The following FBXO11 variants were observed in gnomAD, a reference collection of about 807,000 sequenced individuals.
FBXO11 encodes F-box protein 11.
A neutral mutation model predicts 117.0 loss-of-function variants in FBXO11; 13 were observed. That is an observed-to-expected ratio of 0.11 (90% CI 0.07 to 0.18). The LOEUF is 0.18. FBXO11 is among the 10% of genes least tolerant of loss of function. The probability of loss-of-function intolerance (pLI) is 1.00; values close to 1 mark genes in which losing one functional copy is unlikely to be tolerated. For missense variants in FBXO11, 767 were observed against 1,164.4 expected (o/e 0.66, Z 4.97); for synonymous variants, 490 against 380.5 (o/e 1.29, Z -3.35).
In FBXO11 at chr2:47,878,053, G is replaced by A. The variant is rs887350596; in HGVS notation, c.232+27436C>T. ...CCAGTCCCTAAGTCATGGGCAGGTA[G>A]GCCCAGCTTTTACCCAGGAGGCTGT... On this transcript the variant is annotated intron_variant, in intron 1 of 22. Transcript: ENST00000403359. 1.4e-4 allele frequency among the ~76,000 whole-genome samples: 21 copies of A among 152,306 alleles called. 1 individual carries two copies. Among genetic ancestry groups the A allele is most frequent in the African/African-American group, 4.8e-4 (20 of 41,562 alleles).
chr2:47,835,220 G>A (rs1672461022), intron 5 of FBXO11, among the ~76,000 whole-genome samples: 1 of 152,128 alleles, frequency 6.6e-6, no homozygotes, highest in Non-Finnish European at 1.5e-5. Context: ...ATCAAAAAAT[G>A]TCTCCCGACA....
At chr2:47,832,520 A>G in intron 10 of FBXO11, 34 bp from the exon 11 acceptor site, 1 of 1,609,846 alleles carries the variant, frequency 6.2e-7, no homozygotes, top group Non-Finnish European at 8.5e-7. Context: ...ACATCAGTAG[A>G]GCTTTTAAAC....
chr2:47,901,086 CATATATATACATATATATGTAT>C (rs1231944421), intron 1 of FBXO11, among the ~76,000 whole-genome samples: 1 of 104,750 alleles, frequency 9.5e-6, no homozygotes, highest in Non-Finnish European at 2.0e-5. Context: ...CACGTGTGTA[CATATATATACATATATATGTAT>C]ATATGTACAC....
chr2:47,808,070 T>C lies in FBXO11; in HGVS notation c.*48A>G, dbSNP rs372838997. 23 of 1,518,276 alleles carry C rather than the reference T, an allele frequency of 1.5e-5. No homozygotes were observed. The African/African-American group carries it at 2.4e-4, about 16-fold the overall frequency. The allele number at this position is 1,518,276 out of a possible 1,614,324, so 94.1% of individuals were successfully genotyped here. ...TTAAATCTTCTTCCAAAAAAGTGTT[T>C]TAAGTTATGATGTTACAATGGCAGG... On this transcript the variant is annotated 3_prime_UTR_variant, in exon 23 of 23. Transcript: ENST00000403359.
intron 1 of FBXO11, among the ~76,000 whole-genome samples, chr2:47,855,250 G>A (rs1674194496): frequency 6.6e-6 from 1 of 150,780 alleles, no homozygotes; most frequent in Non-Finnish European, 1.5e-5. Flanking sequence ...GCCCAGGATA[G>A]ACTGCAGTGG....
intron 16 of FBXO11, among the ~76,000 whole-genome samples, chr2:47,815,105 A>G (rs1009246864): frequency 6.6e-6 from 1 of 152,142 alleles, no homozygotes; most frequent in African/African-American, 2.4e-5. Flanking sequence ...CCCTAAAGTC[A>G]TCCATGAGGG....
At chr2:47,871,852 A>T (rs1053257043) in intron 1 of FBXO11, among the ~76,000 whole-genome samples, 1 of 152,250 alleles carries the variant, frequency 6.6e-6, no homozygotes, top group African/African-American at 2.4e-5. Context: ...ATGTGCTTTT[A>T]AAGTTCTGTA....
intron 11 of FBXO11, among the ~76,000 whole-genome samples, chr2:47,828,483 C>A (rs1671929652): frequency 6.6e-6 from 1 of 152,078 alleles, no homozygotes. Flanking sequence ...TGGCAGGCAT[C>A]TGTACTCCCA....
At chr2:47,832,212 A>T in intron 11 of FBXO11, 137 bp downstream of exon 11, 1 of 649,376 alleles carries the variant, frequency 1.5e-6, no homozygotes, top group African/African-American at 1.8e-5. Context: ...ATTAATTTTA[A>T]AAAATAATGC....
chr2:47,868,368 C>A (rs1042860315), intron 1 of FBXO11, among the ~76,000 whole-genome samples: 4 of 151,778 alleles, frequency 2.6e-5, no homozygotes, highest in South Asian at 2.1e-4. Context: ...TCCTGGGTAC[C>A]CTGAAATTTC....
intron 1 of FBXO11, among the ~76,000 whole-genome samples, chr2:47,887,357 GAACC>G (rs994706764): frequency 6.1e-5 from 9 of 147,504 alleles, no homozygotes; most frequent in Middle Eastern, 3.5e-3. Flanking sequence ...CTTTTCAAAA[GAACC>G]AACACAAAAG....
At chr2:47,817,089 G>A (rs553032803) in intron 16 of FBXO11, among the ~76,000 whole-genome samples, 2 of 152,310 alleles carry the variant, frequency 1.3e-5, no homozygotes, top group African/African-American at 4.8e-5. Flanking sequence ...TCTGTTTAGT[G>A]TAGCCACCTT....
chr2:47,832,883 G>A lies in FBXO11; in HGVS notation c.1042-3C>T, dbSNP rs1295862903. The A allele has an allele frequency of 3.1e-6, 5 of 1,613,170 alleles. No homozygotes were observed. The highest frequency in any genetic ancestry group is 1.7e-5 in the Admixed American group (1 of 59,992). On this transcript the variant is annotated splice_polypyrimidine_tract_variant and splice_region_variant and intron_variant, in intron 8 of 22. Coordinates refer to ENST00000403359, the MANE Select transcript of FBXO11 (RefSeq NM_001190274.2). ...GCAGATTTGTCATCAGGGTTAAACT[G>A]AAAAGTAAAAATTTTGTTTGAAATA...
chr2:47,839,883 A>G, intron 1 of FBXO11, 114 bp from the exon 2 acceptor site: 1 of 845,540 alleles, frequency 1.2e-6, no homozygotes, highest in South Asian at 1.9e-5. Context: ...TAAGTTTTAT[A>G]TGAAATTCCA....
chr2:47,817,399 A>G lies in FBXO11; in HGVS notation c.2006+1380T>C, dbSNP rs1448788194. ...AAGTCCATTTTTTTGTTATTATTTT[A>G]TTTTGCTTTGAACCCTGAGAAACTA... On this transcript the variant is annotated intron_variant, in intron 16 of 22. Coordinates refer to ENST00000403359, the MANE Select transcript of FBXO11 (RefSeq NM_001190274.2). 3.3e-5 allele frequency among the ~76,000 whole-genome samples: 5 copies of G among 152,094 alleles called. No individual in the cohort carries two copies. In the East Asian group the frequency reaches 7.7e-4, roughly 23 times the overall value.
In FBXO11 at chr2:47,811,870, C is replaced by T. The variant is rs907772127; in HGVS notation, c.2227+1364G>A. Among the ~76,000 whole-genome samples, 21 of 152,258 alleles carry T rather than the reference C, an allele frequency of 1.4e-4. 1 individual carries two copies. Among genetic ancestry groups the T allele is most frequent in the African/African-American group, 4.8e-4 (20 of 41,544 alleles). On this transcript the variant is annotated intron_variant, in intron 18 of 22. Transcript: ENST00000403359. ...GATACTCCTGCCTTAGCCTCCAGAG[C>T]AGCTGGAAGTACAGGTGTGAGCCAC...
Position 47,859,054 on chromosome 2 carries a change from A to AAAAG in FBXO11, c.233-19286_233-19285insCTTT, listed in dbSNP as rs1332265255. Among the ~76,000 whole-genome samples, 18 of 150,372 alleles carry AAAAG rather than the reference A, an allele frequency of 1.2e-4. No homozygotes were observed. In the South Asian group the frequency reaches 2.3e-3, roughly 19 times the overall value. On this transcript the variant is annotated intron_variant, in intron 1 of 22. Coordinates refer to ENST00000403359, the MANE Select transcript of FBXO11 (RefSeq NM_001190274.2). ...AAACTCTGTCTCCAAAAAAAAAAAA[A>AAAAG]AAAAGAAAAGAAAAGAAAAGAAAAA...
intron 1 of FBXO11, among the ~76,000 whole-genome samples, chr2:47,900,685 C>CACACACGTATACACACACGTGTATATAT: frequency 1.7e-5 from 1 of 59,000 alleles, no homozygotes; most frequent in Non-Finnish European, 3.5e-5. Flanking sequence ...CACACGTATA[C>CACACACGTATACACACACGTGTATATAT]ACACACGTAT....
At chr2:47,836,651 A>T (rs563691549) in intron 4 of FBXO11, among the ~76,000 whole-genome samples, 1 of 151,990 alleles carries the variant, frequency 6.6e-6, no homozygotes, top group Non-Finnish European at 1.5e-5. Flanking sequence ...TTCACAATGT[A>T]ACTGCGTATG....
Sources: gnomAD v4.1 joint callset for allele counts (sites outside exome capture counted in the v4.1 genomes callset) on GRCh38, gnomAD v4.1.1 for gene constraint, MANE v1.5 for transcripts, NCBI Gene and HGNC (gene_info 2026-07-23, HGNC 2026-07-21) for gene names.